SENP7: variants seen among roughly 807,000 people sequenced by gnomAD.
The protein encoded by SENP7 is sentrin-specific protease 7.
In SENP7, 64 loss-of-function variants were observed where a neutral mutation model predicts 141.2. The observed-to-expected ratio is 0.45, with a 90% confidence interval of 0.37 to 0.56. The LOEUF is 0.56. SENP7 is among the 20% of genes least tolerant of loss of function. The pLI, the probability that SENP7 is intolerant of heterozygous loss-of-function variation, is 0.00. For missense variants in SENP7, 1,025 were observed against 1,212.2 expected (o/e 0.85, Z 2.29); for synonymous variants, 382 against 426.4 (o/e 0.90, Z 1.28).
Position 101,353,515 on chromosome 3 carries a change from T to G in SENP7, c.1624-1864A>C, listed in dbSNP as rs562002107. On this transcript the variant is annotated intron_variant, in intron 11 of 23. Coordinates refer to ENST00000394095, the MANE Select transcript of SENP7 (RefSeq NM_020654.5). ...CCCTACTCCCAGCAGACTTAACCCC[T>G]AGATTTAAAAATAAGAAAAATTTTG... 2.5e-4 allele frequency among the ~76,000 whole-genome samples: 38 copies of G among 152,086 alleles called. No homozygotes were observed. The South Asian group carries it at 7.9e-3, about 32-fold the overall frequency.
At chr3:101,467,046 C>T (rs372074262) in intron 3 of SENP7, among the ~76,000 whole-genome samples, 2 of 152,218 alleles carry the variant, frequency 1.3e-5, no homozygotes. Flanking sequence ...GTGCCTGGCT[C>T]GGCAGGTCCC....
At chr3:101,488,198 G>T (rs533436301) in intron 3 of SENP7, among the ~76,000 whole-genome samples, 5 of 151,806 alleles carry the variant, frequency 3.3e-5, no homozygotes, top group Non-Finnish European at 7.4e-5. Flanking sequence ...GTACTCCTAG[G>T]TATTTCATTT....
At chr3:101,447,780 A>G (rs2062951445) in intron 4 of SENP7, among the ~76,000 whole-genome samples, 1 of 142,036 alleles carries the variant, frequency 7.0e-6, no homozygotes, top group Non-Finnish European at 1.6e-5. Flanking sequence ...AGCTCCAAAA[A>G]ATCTTGAAAA....
intron 17 of SENP7, 51 bp from the exon 18 acceptor site, chr3:101,332,913 T>C (rs761517678): frequency 4.3e-5 from 66 of 1,520,926 alleles, no homozygotes; most frequent in Non-Finnish European, 5.3e-5. Flanking sequence ...TCATTTAAGA[T>C]AGGGACTTCA....
intron 4 of SENP7, among the ~76,000 whole-genome samples, chr3:101,424,985 C>G (rs556847912): frequency 6.6e-6 from 1 of 152,052 alleles, no homozygotes; most frequent in Admixed American, 6.5e-5. Flanking sequence ...AAGGGAAACC[C>G]CTTTCACTTG....
intron 3 of SENP7, among the ~76,000 whole-genome samples, chr3:101,471,224 A>C (rs2063978893): frequency 6.6e-6 from 1 of 152,222 alleles, no homozygotes; most frequent in African/African-American, 2.4e-5. Context: ...ACAAAGCTGG[A>C]GGCATCACAC....
At chr3:101,408,354 T>G (rs193050885) in intron 5 of SENP7, among the ~76,000 whole-genome samples, 14 of 152,218 alleles carry the variant, frequency 9.2e-5, no homozygotes, top group Admixed American at 2.6e-4. Flanking sequence ...CTACTGGACA[T>G]TCAAAGAAAA....
At chr3:101,429,963 G>A (rs1457673090) in intron 4 of SENP7, among the ~76,000 whole-genome samples, 2 of 152,042 alleles carry the variant, frequency 1.3e-5, no homozygotes, top group African/African-American at 2.4e-5. Flanking sequence ...TTTTGTCGTT[G>A]GTTCTGTTTA....
At chr3:101,479,575 C>G (rs2064360719) in intron 3 of SENP7, among the ~76,000 whole-genome samples, 1 of 151,138 alleles carries the variant, frequency 6.6e-6, no homozygotes, top group Admixed American at 6.6e-5. Context: ...TGCCACTATA[C>G]TCCAGCTTGG....
At chr3:101,474,780 G>A (rs1203933905) in intron 3 of SENP7, among the ~76,000 whole-genome samples, 1 of 152,140 alleles carries the variant, frequency 6.6e-6, no homozygotes, top group Non-Finnish European at 1.5e-5. Flanking sequence ...AATACTTCCA[G>A]CTTTTGCCCA....
rs1023148304 is a variant in SENP7 at position 101,475,330 on chromosome 3, T to TA, written c.187-16279dup. Among the ~76,000 whole-genome samples the TA allele has an allele frequency of 2.6e-5, 4 of 152,070 alleles. 1 individual carries two copies. The East Asian group carries it at 5.8e-4, about 22-fold the overall frequency. On this transcript the variant is annotated intron_variant, in intron 3 of 23. Transcript: ENST00000394095. ...AATGCCCATCAATGACAGACTGGAT[T>TA]AAAAAAATGTGGTACATGTACATCA...
At chr3:101,358,141 A>G (rs2059793943) in intron 11 of SENP7, 1 of 523,094 alleles carries the variant, frequency 1.9e-6, no homozygotes, top group East Asian at 6.3e-5. Context: ...CCTACTAAAC[A>G]TAAGATAATT....
chr3:101,382,742 T>C (rs1013076196), intron 6 of SENP7, among the ~76,000 whole-genome samples: 5 of 152,170 alleles, frequency 3.3e-5, no homozygotes, highest in African/African-American at 1.2e-4. Context: ...GCAGTACAAA[T>C]GAGAACAGTA....
intron 6 of SENP7, among the ~76,000 whole-genome samples, chr3:101,380,295 A>T (rs1463777573): frequency 6.6e-6 from 1 of 152,212 alleles, no homozygotes; most frequent in Non-Finnish European, 1.5e-5. Context: ...AAATAGATTA[A>T]AGTCCCTATT....
At chr3:101,512,912 G>A (rs1003539936) in intron 1 of SENP7, among the ~76,000 whole-genome samples, 179 bp downstream of exon 1, 1 of 152,048 alleles carries the variant, frequency 6.6e-6, no homozygotes, top group African/African-American at 2.4e-5. Flanking sequence ...AGCTCGGACC[G>A]GGTCTTCGAC....
intron 16 of SENP7, among the ~76,000 whole-genome samples, chr3:101,338,848 T>A (rs976838058): frequency 6.6e-6 from 1 of 152,184 alleles, no homozygotes; most frequent in African/African-American, 2.4e-5. Context: ...ATTAAGTTAT[T>A]GGCCTCATCT....
At chr3:101,427,424 C>T (rs898277691) in intron 4 of SENP7, among the ~76,000 whole-genome samples, 4 of 143,096 alleles carry the variant, frequency 2.8e-5, no homozygotes, top group Admixed American at 2.3e-4. Flanking sequence ...CGGGAGGTGG[C>T]GGTTGCAGTG....
intron 6 of SENP7, among the ~76,000 whole-genome samples, chr3:101,384,357 G>A (rs2060592028): frequency 6.6e-6 from 1 of 152,264 alleles, no homozygotes. Context: ...GTGACTAGAA[G>A]AAGAGAAGAC....
intron 4 of SENP7, among the ~76,000 whole-genome samples, chr3:101,424,607 C>T (rs1009496393): frequency 3.9e-5 from 6 of 152,050 alleles, no homozygotes; most frequent in Non-Finnish European, 8.8e-5. Flanking sequence ...CTGCCTACAG[C>T]GCACAGAGAA....
Sources: allele counts gnomAD v4.1 joint callset (sites outside exome capture counted in the v4.1 genomes callset), GRCh38; gene constraint gnomAD v4.1.1; transcripts MANE v1.5; gene names NCBI Gene and HGNC (gene_info 2026-07-23, HGNC 2026-07-21).